MEG3: variants seen among roughly 807,000 people sequenced by gnomAD.
The protein encoded by MEG3 is maternally expressed 3.
intron 3 of MEG3, chr14:100,846,887 T>A (rs2037933008): frequency 6.6e-6 from 1 of 151,724 alleles, no homozygotes; most frequent in Non-Finnish European, 1.5e-5. Context: ...AAAGAAAGAA[T>A]GGATGTATGA....
upstream of MEG3, chr14:100,855,601 C>T (rs1481353459): frequency 1.3e-5 from 2 of 152,300 alleles, no homozygotes; most frequent in Non-Finnish European, 2.9e-5. Flanking sequence ...CTTTCAGCTT[C>T]CTCCACAGGG....
In MEG3 at chr14:100,845,064, C is replaced by T. The variant is rs1284463007; in HGVS notation, n.3046-394C>T. On this transcript the variant is annotated intron_variant and non_coding_transcript_variant, in intron 2 of 3. Coordinates refer to the MEG3 transcript ENST00000398461. The surrounding 1 kb of genome is among the most constrained non-coding windows in gnomAD (Gnocchi z 5.2). ...CCCGCTTCCCTGGTCTCCTCCAGGG[C>T]CAGCCATCCTGCTCGCCGACCTGGG... 1.3e-5 allele frequency among the ~76,000 whole-genome samples: 2 copies of T among 152,214 alleles called. No individual in the cohort carries two copies. The highest frequency in any genetic ancestry group is 4.8e-5 in the African/African-American group (2 of 41,450).
intron 2 of MEG3, among the ~76,000 whole-genome samples, chr14:100,838,486 G>A (rs557098956): frequency 5.3e-4 from 81 of 152,326 alleles, no homozygotes; most frequent in Non-Finnish European, 7.9e-4. Context: ...CTGCCGAAAG[G>A]CCACTAGTAA....
At chr14:100,838,633 C>T (rs1174832421) in intron 2 of MEG3, among the ~76,000 whole-genome samples, 4 of 152,166 alleles carry the variant, frequency 2.6e-5, no homozygotes, top group African/African-American at 7.2e-5. Flanking sequence ...CAGCGGAGGG[C>T]GGTGAGGGGT....
chr14:100,841,599 G>T (rs2037761490), intron 2 of MEG3, among the ~76,000 whole-genome samples: 1 of 152,156 alleles, frequency 6.6e-6, no homozygotes, highest in Non-Finnish European at 1.5e-5. Flanking sequence ...TGGAGGTGAA[G>T]CCCCTGCCAG....
exon 1 of MEG3, chr14:100,857,503 C>T (rs1246033720): frequency 6.6e-6 from 1 of 152,200 alleles, no homozygotes; most frequent in Non-Finnish European, 1.5e-5. Context: ...AATAAAAAGT[C>T]AGCCCTGACC....
chr14:100,846,021 T>C (rs960446835), intron 3 of MEG3: 1 of 152,440 alleles, frequency 6.6e-6, no homozygotes, highest in Non-Finnish European at 1.5e-5. Flanking sequence ...GAAAACATAA[T>C]GGGCAGATTT....
chr14:100,841,050 C>A (rs781443506), intron 2 of MEG3, among the ~76,000 whole-genome samples: 1 of 152,174 alleles, frequency 6.6e-6, no homozygotes, highest in South Asian at 2.1e-4. Context: ...AGGAGGGGGT[C>A]ATGGTGGCCC....
At chr14:100,859,604 C>T (rs2038345351) in exon 1 of MEG3, 1 of 152,038 alleles carries the variant, frequency 6.6e-6, no homozygotes, top group East Asian at 1.9e-4. Context: ...CAGCATTGAC[C>T]TGTGAGGCAC....
chr14:100,841,081 C>T (rs1054990637), intron 2 of MEG3, among the ~76,000 whole-genome samples: 8 of 152,126 alleles, frequency 5.3e-5, no homozygotes, highest in South Asian at 4.1e-4. Context: ...TGGGCAGCTG[C>T]GAGAGAGGGG....
At chr14:100,858,026 C>G (rs1223573266) in exon 1 of MEG3, 1 of 152,236 alleles carries the variant, frequency 6.6e-6, no homozygotes, top group Non-Finnish European at 1.5e-5. Flanking sequence ...TTTCCCTTCT[C>G]TAACTGGGGT....
At chr14:100,834,611 C>T (rs752355052) in exon 1 of MEG3, 9 of 446,144 alleles carry the variant, frequency 2.0e-5, no homozygotes, top group Non-Finnish European at 4.1e-5. Flanking sequence ...TCAATATCTC[C>T]CTCTCTTTGT....
intron 1 of MEG3, chr14:100,827,280 G>T (rs1381336780): frequency 2.0e-5 from 3 of 148,384 alleles, no homozygotes; most frequent in African/African-American, 7.4e-5. Context: ...CAGGTTTCTG[G>T]AAGGTTTCCT....
downstream of MEG3, chr14:100,833,746 G>A (rs965705144): frequency 3.9e-5 from 6 of 152,140 alleles, no homozygotes; most frequent in South Asian, 2.1e-4. Context: ...ACCCCAAGGC[G>A]GATCAATCAT....
At chr14:100,844,312 C>A (rs925570123) in intron 2 of MEG3, among the ~76,000 whole-genome samples, 1 of 152,214 alleles carries the variant, frequency 6.6e-6, no homozygotes, top group Non-Finnish European at 1.5e-5. Flanking sequence ...GACCTTGGCC[C>A]TGTCCTCCTG....
Position 100,828,403 on chromosome 14 carries a change from C to T in MEG3, n.372-305C>T, listed in dbSNP as rs2037308118. On this transcript the variant is annotated intron_variant and non_coding_transcript_variant, in intron 1 of 2. Transcript: ENST00000556407. The stretch of plus-strand genomic sequence containing the variant: ...CCTTTCTCATTTCCTCGTCCCTCCT[C>T]CCCCTCCTATTTTTCTTCTCCCTCC... Among the ~76,000 whole-genome samples the T allele has an allele frequency of 2.0e-5, 3 of 150,022 alleles. 1 individual carries two copies. The South Asian group carries it at 6.4e-4, about 32-fold the overall frequency.
downstream of MEG3, chr14:100,832,200 G>A (rs1390896036): frequency 1.3e-5 from 2 of 152,094 alleles, no homozygotes; most frequent in Non-Finnish European, 2.9e-5. Flanking sequence ...ACGTTAGTTG[G>A]GCTAAAAGAA....
Position 100,858,379 on chromosome 14 carries a change from C to T in MEG3, n.1135C>T, listed in dbSNP as rs969143224. On this transcript the variant is annotated non_coding_transcript_exon_variant, in exon 1 of 2. Coordinates refer to the MEG3 transcript ENST00000398460. ...CAGATCAGGCATCTCTTCACCAGAC[C>T]ACCGTATTCCTTTTTCAGCCCTCGT... is the stretch of plus-strand genomic sequence containing the variant. 2.6e-5 allele frequency: 4 copies of T among 152,894 alleles called. No homozygotes were observed. The East Asian group carries it at 7.7e-4, about 30-fold the overall frequency. 9.5% of individuals were successfully genotyped at this position (152,894 alleles called of 1,614,324 possible). A position where few individuals can be genotyped will look rare whatever the true frequency, so the allele number is the denominator to read the frequency against.
downstream of MEG3, chr14:100,830,080 G>A (rs2037354541): frequency 6.6e-6 from 1 of 152,182 alleles, no homozygotes; most frequent in Non-Finnish European, 1.5e-5. Flanking sequence ...GTTGGAGTTG[G>A]ACCCAGGGTG....
Sources: allele counts gnomAD v4.1 joint callset (sites outside exome capture counted in the v4.1 genomes callset), GRCh38; gene constraint gnomAD v4.1.1; non-coding constraint Gnocchi (gnomAD v3.1); transcripts MANE v1.5; gene names NCBI Gene and HGNC (gene_info 2026-07-23, HGNC 2026-07-21).